Variants in NEK11 observed in about 807,000 individuals in gnomAD.
NEK11 encodes NIMA related kinase 11, also known as serine/threonine-protein kinase Nek11.
NEK11 carries 72 observed loss-of-function variants against 80.7 expected under a neutral mutation model. That is an observed-to-expected ratio of 0.89 (90% CI 0.74 to 1.08). The LOEUF (loss-of-function observed/expected upper bound fraction) is 1.08, where lower values mean the gene tolerates loss of function less well. Among genes scored for constraint, NEK11 ranks in the 50% least tolerant of loss-of-function variants. The probability of loss-of-function intolerance (pLI) is 0.00; values close to 1 mark genes in which losing one functional copy is unlikely to be tolerated. For synonymous variants in NEK11, 251 were observed against 260.7 expected (o/e 0.96, Z 0.36); for missense variants, 764 against 763.6 (o/e 1.00, Z -0.01).
chr3:131,337,090 T>C lies in NEK11; in HGVS notation c.1719-12467T>C, dbSNP rs528100419. On this transcript the variant is annotated intron_variant, in intron 17 of 17. Coordinates refer to ENST00000383366, the MANE Select transcript of NEK11 (RefSeq NM_024800.5). The stretch of plus-strand genomic sequence containing the variant: ...CAGGCATCTAGAACTAGAAATACCA[T>C]TTGACCCAGCCATCCCATTACTGGG... 5.9e-5 allele frequency among the ~76,000 whole-genome samples: 9 copies of C among 152,286 alleles called. No homozygotes were observed. The East Asian group carries it at 1.7e-3, about 29-fold the overall frequency.
intron 5 of NEK11, among the ~76,000 whole-genome samples, chr3:131,120,489 G>A (rs2082176603): frequency 2.0e-5 from 3 of 152,060 alleles, no homozygotes; most frequent in African/African-American, 7.2e-5. Flanking sequence ...TTTCTTTGTG[G>A]CATTCTCTGT....
At chr3:131,064,452 A>T (rs1328905360) in intron 3 of NEK11, among the ~76,000 whole-genome samples, 1 of 151,474 alleles carries the variant, frequency 6.6e-6, no homozygotes, top group Non-Finnish European at 1.5e-5. Context: ...TCCTTATAAG[A>T]ACAACACTTA....
intron 4 of NEK11, among the ~76,000 whole-genome samples, chr3:131,085,393 C>G (rs185682718): frequency 6.6e-6 from 1 of 152,172 alleles, no homozygotes; most frequent in Non-Finnish European, 1.5e-5. Context: ...TGTGGCATAA[C>G]AGAGATAATA....
At chr3:131,182,396 C>T (rs1201778542) in intron 14 of NEK11, among the ~76,000 whole-genome samples, 1 of 152,152 alleles carries the variant, frequency 6.6e-6, no homozygotes, top group Non-Finnish European at 1.5e-5. Context: ...CAATTTTCCA[C>T]TTCTGTCTTC....
At chr3:131,226,862 T>TTA (rs1041208426) in intron 14 of NEK11, among the ~76,000 whole-genome samples, 7 of 152,146 alleles carry the variant, frequency 4.6e-5, no homozygotes, top group South Asian at 2.1e-4. Flanking sequence ...TATAGGTATG[T>TTA]TATATATATA....
intron 17 of NEK11, among the ~76,000 whole-genome samples, chr3:131,275,460 C>T (rs1359643249): frequency 6.6e-6 from 1 of 152,000 alleles, no homozygotes; most frequent in African/African-American, 2.4e-5. Context: ...TGATTTTATT[C>T]CTAGTGTGTT....
intron 7 of NEK11, among the ~76,000 whole-genome samples, chr3:131,142,698 G>A (rs2087219195): frequency 1.3e-5 from 2 of 152,130 alleles, no homozygotes; most frequent in Admixed American, 1.3e-4. Flanking sequence ...GTGACCTTAA[G>A]AATAGCTAAA....
chr3:131,127,737 A>T (rs1367692787), intron 5 of NEK11, among the ~76,000 whole-genome samples: 3 of 152,084 alleles, frequency 2.0e-5, no homozygotes, highest in Non-Finnish European at 1.5e-5. Flanking sequence ...ATATTGAGAG[A>T]TGTTAGATGA....
At chr3:131,052,444 T>C (rs1195160309) in intron 3 of NEK11, among the ~76,000 whole-genome samples, 2 of 152,206 alleles carry the variant, frequency 1.3e-5, no homozygotes, top group African/African-American at 4.8e-5. Context: ...TTTTTAGCAG[T>C]CTCATTCCAG....
intron 3 of NEK11, among the ~76,000 whole-genome samples, chr3:131,054,809 G>T (rs2069133467): frequency 6.7e-6 from 1 of 150,282 alleles, no homozygotes; most frequent in Non-Finnish European, 1.5e-5. Flanking sequence ...AATGTACCCG[G>T]TAGATATGGA....
At chr3:131,074,710 C>T (rs2074044236) in intron 3 of NEK11, among the ~76,000 whole-genome samples, 1 of 152,122 alleles carries the variant, frequency 6.6e-6, no homozygotes, top group South Asian at 2.1e-4. Context: ...AAAGGCAATG[C>T]AGCAAGTATA....
intron 5 of NEK11, among the ~76,000 whole-genome samples, chr3:131,124,393 C>T (rs1436451339): frequency 6.6e-6 from 1 of 152,158 alleles, no homozygotes; most frequent in East Asian, 1.9e-4. Flanking sequence ...TAATTTCTGT[C>T]CAGTAGAACA....
At chr3:131,203,864 T>C (rs1001332063) in intron 14 of NEK11, among the ~76,000 whole-genome samples, 3 of 145,650 alleles carry the variant, frequency 2.1e-5, no homozygotes, top group Admixed American at 6.9e-5. Flanking sequence ...ATAACTTCCA[T>C]AGCCCTTGTT....
chr3:131,220,108 GTTTT>G (rs1239858598), intron 14 of NEK11, among the ~76,000 whole-genome samples: 1 of 152,036 alleles, frequency 6.6e-6, no homozygotes, highest in Non-Finnish European at 1.5e-5. Flanking sequence ...TTTCTTTTTG[GTTTT>G]TTGTTTGTTT....
chr3:131,344,471 T>C (rs2097332357), intron 17 of NEK11, among the ~76,000 whole-genome samples: 1 of 152,248 alleles, frequency 6.6e-6, no homozygotes, highest in Non-Finnish European at 1.5e-5. Flanking sequence ...ATGTGAATTC[T>C]TCCAATTTCT....
chr3:131,236,354 C>T (rs1285861049), intron 15 of NEK11, among the ~76,000 whole-genome samples: 1 of 151,822 alleles, frequency 6.6e-6, no homozygotes, highest in Non-Finnish European at 1.5e-5. Context: ...GTTACGTTGC[C>T]ATTCTATCAG....
chr3:131,346,264 A>G (rs1015514545), intron 17 of NEK11, among the ~76,000 whole-genome samples: 15 of 152,238 alleles, frequency 9.9e-5, no homozygotes, highest in African/African-American at 3.1e-4. Flanking sequence ...CCATTTTATT[A>G]TCTATATGTA....
intron 4 of NEK11, among the ~76,000 whole-genome samples, chr3:131,087,198 A>G (rs1205164547): frequency 1.4e-5 from 2 of 144,642 alleles, no homozygotes; most frequent in East Asian, 4.1e-4. Context: ...AGCCTTTAGT[A>G]TGAGGATTCA....
At chr3:131,126,658 G>A (rs1486946966) in intron 5 of NEK11, among the ~76,000 whole-genome samples, 2 of 152,088 alleles carry the variant, frequency 1.3e-5, no homozygotes, top group African/African-American at 4.8e-5. Context: ...CAATATTACA[G>A]TGTTATGTCT....
Sources: gnomAD v4.1 joint callset for allele counts (sites outside exome capture counted in the v4.1 genomes callset) on GRCh38, gnomAD v4.1.1 for gene constraint, MANE v1.5 for transcripts, NCBI Gene and HGNC (gene_info 2026-07-23, HGNC 2026-07-21) for gene names.